AKR1C8: variants seen among roughly 807,000 people sequenced by gnomAD.
AKR1C8 encodes the protein aldo-keto reductase family 1 member C8, also known as aldo-keto reductase family 1 member C-like protein 1.
chr10:5,128,213 T>C, the AKR1C8 span, among the ~76,000 whole-genome samples: 1 of 152,110 alleles, frequency 6.6e-6, no homozygotes, highest in African/African-American at 2.4e-5. Flanking sequence ...ATACAGTCAT[T>C]TTTAGAAAAA....
chr10:5,132,024 C>A, the AKR1C8 span, among the ~76,000 whole-genome samples: 3 of 152,112 alleles, frequency 2.0e-5, no homozygotes, highest in African/African-American at 4.8e-5. Flanking sequence ...GAAATAATGT[C>A]TTTTGTAGCA....
the AKR1C8 span, among the ~76,000 whole-genome samples, chr10:5,128,183 A>G: frequency 6.6e-6 from 1 of 152,156 alleles, no homozygotes; most frequent in South Asian, 2.1e-4. Context: ...GCAAAACTAT[A>G]TTTCATAATT....
At chr10:5,136,020 G>A in the AKR1C8 span, among the ~76,000 whole-genome samples, 1 of 152,092 alleles carries the variant, frequency 6.6e-6, no homozygotes, top group Admixed American at 6.6e-5. Flanking sequence ...ACAATGTCTG[G>A]TCTTTGGACA....
At chr10:5,136,385 CAAAAATACA>C in the AKR1C8 span, among the ~76,000 whole-genome samples, 1 of 151,952 alleles carries the variant, frequency 6.6e-6, no homozygotes, top group African/African-American at 2.4e-5. Context: ...TCGTCTCTAC[CAAAAATACA>C]AAAATTAGCC....
At chr10:5,168,716 A>C in the AKR1C8 span, among the ~76,000 whole-genome samples, 1 of 152,138 alleles carries the variant, frequency 6.6e-6, no homozygotes, top group Non-Finnish European at 1.5e-5. Context: ...CTGGCTGAAA[A>C]AGAAAACCAG....
At chr10:5,139,078 C>A in the AKR1C8 span, among the ~76,000 whole-genome samples, 3 of 152,176 alleles carry the variant, frequency 2.0e-5, no homozygotes, top group East Asian at 1.9e-4. Context: ...GAATAAAATA[C>A]CTAGGAATCC....
chr10:5,150,167 T>C, the AKR1C8 span, among the ~76,000 whole-genome samples: 45 of 152,262 alleles, frequency 3.0e-4, no homozygotes, highest in South Asian at 8.7e-3. Flanking sequence ...ACAATTTCCA[T>C]GGTTACTACA....
the AKR1C8 span, chr10:5,123,308 C>T: frequency 7.8e-6 from 2 of 255,514 alleles, no homozygotes; most frequent in East Asian, 2.0e-4. Context: ...TTCATTGGAG[C>T]TCTTGACCAG....
At chr10:5,141,390 A>G in the AKR1C8 span, among the ~76,000 whole-genome samples, 1 of 152,056 alleles carries the variant, frequency 6.6e-6, no homozygotes, top group Non-Finnish European at 1.5e-5. Flanking sequence ...CTTTTTCCAA[A>G]CTTCTATTCA....
At chr10:5,163,104 G>C in the AKR1C8 span, 1 of 436,386 alleles carries the variant, frequency 2.3e-6, no homozygotes. Flanking sequence ...TTCACTGTCG[G>C]TTTCTGCTGG....
At chr10:5,168,332 C>T in the AKR1C8 span, among the ~76,000 whole-genome samples, 1 of 152,038 alleles carries the variant, frequency 6.6e-6, no homozygotes, top group Non-Finnish European at 1.5e-5. Flanking sequence ...TCAAATGCAA[C>T]TCCCAGGTGC....
chr10:5,135,857 A>G, the AKR1C8 span, among the ~76,000 whole-genome samples: 17 of 152,310 alleles, frequency 1.1e-4, no homozygotes, highest in Middle Eastern at 3.4e-3. Context: ...CCTTTCCATC[A>G]GCAAATATTT....
the AKR1C8 span, among the ~76,000 whole-genome samples, chr10:5,146,791 G>C: frequency 6.6e-6 from 1 of 152,130 alleles, no homozygotes; most frequent in Non-Finnish European, 1.5e-5. Context: ...TGGGTTCTTG[G>C]TCATGAAATC....
chr10:5,130,182 T>C, the AKR1C8 span, among the ~76,000 whole-genome samples: 18 of 151,936 alleles, frequency 1.2e-4, no homozygotes, highest in African/African-American at 4.3e-4. Flanking sequence ...TATGGTTATC[T>C]CAATAGATGC....
At chr10:5,151,512 T>G in the AKR1C8 span, among the ~76,000 whole-genome samples, 1 of 151,946 alleles carries the variant, frequency 6.6e-6, no homozygotes, top group Non-Finnish European at 1.5e-5. Context: ...TGCAATAATT[T>G]TCTAATTATA....
the AKR1C8 span, among the ~76,000 whole-genome samples, chr10:5,164,491 G>C: frequency 4.6e-5 from 7 of 152,018 alleles, no homozygotes; most frequent in African/African-American, 1.7e-4. Context: ...TTGGTGCATG[G>C]GTTGGGAATG....
the AKR1C8 span, among the ~76,000 whole-genome samples, chr10:5,126,730 AC>A: frequency 6.6e-6 from 1 of 152,112 alleles, no homozygotes; most frequent in Non-Finnish European, 1.5e-5. Flanking sequence ...TGCCATTCCA[AC>A]CCCATAGGAG....
the AKR1C8 span, among the ~76,000 whole-genome samples, chr10:5,118,936 CT>C: frequency 1.3e-4 from 5 of 38,332 alleles, no homozygotes; most frequent in East Asian, 8.2e-4. Flanking sequence ...CTATAAATTT[CT>C]TTAAAAAAAA....
chr10:5,153,890 A>G, the AKR1C8 span, among the ~76,000 whole-genome samples: 1 of 152,208 alleles, frequency 6.6e-6, no homozygotes, highest in Non-Finnish European at 1.5e-5. Flanking sequence ...GCATCAAATG[A>G]TAAGTATTCT....
Sources: gnomAD v4.1 joint callset for allele counts (sites outside exome capture counted in the v4.1 genomes callset) on GRCh38, gnomAD v4.1.1 for gene constraint, MANE v1.5 for transcripts, NCBI Gene and HGNC (gene_info 2026-07-23, HGNC 2026-07-21) for gene names.